The following NELL1 variants were observed in gnomAD, a reference collection of about 807,000 sequenced individuals.
NELL1 encodes the protein neural EGFL like 1.
A neutral mutation model predicts 107.4 loss-of-function variants in NELL1; 76 were observed. The observed-to-expected ratio is 0.71, with a 90% CI of 0.59 to 0.86. The LOEUF (loss-of-function observed/expected upper bound fraction) is 0.86, where lower values mean the gene tolerates loss of function less well. NELL1 is among the 40% of genes least tolerant of loss of function. The probability of loss-of-function intolerance (pLI) is 0.00; values close to 1 mark genes in which losing one functional copy is unlikely to be tolerated. For missense variants in NELL1, 1,024 were observed against 1,005.5 expected (o/e 1.02, Z -0.25); for synonymous variants, 353 against 341.2 (o/e 1.03, Z -0.38).
intron 3 of NELL1, among the ~76,000 whole-genome samples, chr11:20,804,301 T>C (rs1857337863): frequency 6.6e-6 from 1 of 152,166 alleles, no homozygotes; most frequent in Non-Finnish European, 1.5e-5. Flanking sequence ...AGTGGTGCGA[T>C]TTCAGCTCAC....
intron 12 of NELL1, among the ~76,000 whole-genome samples, chr11:21,108,549 A>C (rs777779894): frequency 6.6e-6 from 1 of 152,172 alleles, no homozygotes; most frequent in Non-Finnish European, 1.5e-5. Flanking sequence ...AAGCCCCATT[A>C]TACTCAAGAT....
At chr11:20,913,849 C>T (rs1292994931) in intron 5 of NELL1, among the ~76,000 whole-genome samples, 8 of 66,816 alleles carry the variant, frequency 1.2e-4, no homozygotes, top group African/African-American at 3.8e-4. Flanking sequence ...TTACGGGGGG[C>T]GGGGGGATGG....
chr11:21,094,141 A>G (rs750289077), intron 12 of NELL1, among the ~76,000 whole-genome samples: 1 of 152,204 alleles, frequency 6.6e-6, no homozygotes, highest in African/African-American at 2.4e-5. Flanking sequence ...CTCCAAATGG[A>G]AGAAATTGGC....
chr11:20,697,082 G>T (rs891347444), intron 2 of NELL1, among the ~76,000 whole-genome samples: 1 of 152,136 alleles, frequency 6.6e-6, no homozygotes, highest in East Asian at 1.9e-4. Flanking sequence ...AACTTACAAG[G>T]AGGCAACTTT....
intron 2 of NELL1, among the ~76,000 whole-genome samples, chr11:20,721,843 G>T (rs1855396127): frequency 1.3e-5 from 2 of 152,122 alleles, no homozygotes; most frequent in Admixed American, 6.6e-5. Context: ...AACACCAGAA[G>T]AATCTATCCT....
intron 12 of NELL1, among the ~76,000 whole-genome samples, chr11:20,988,185 T>C (rs542885965): frequency 2.8e-4 from 42 of 152,278 alleles, no homozygotes; most frequent in African/African-American, 9.9e-4. Context: ...TTTTCTGCTA[T>C]TTTATCACAT....
At chr11:21,282,426 G>A (rs187083486) in intron 14 of NELL1, among the ~76,000 whole-genome samples, 6 of 146,164 alleles carry the variant, frequency 4.1e-5, no homozygotes, top group African/African-American at 1.5e-4. Flanking sequence ...GTTGTAGTGA[G>A]CTGACATCAT....
At chr11:21,055,871 T>A (rs980134242) in intron 12 of NELL1, among the ~76,000 whole-genome samples, 1 of 152,166 alleles carries the variant, frequency 6.6e-6, no homozygotes, top group Non-Finnish European at 1.5e-5. Context: ...ATTCAAATAA[T>A]CCTTTTTTAC....
intron 1 of NELL1, among the ~76,000 whole-genome samples, chr11:20,677,537 A>G (rs562390039): frequency 6.6e-6 from 1 of 152,318 alleles, no homozygotes. Flanking sequence ...TTAGAGAAGT[A>G]TGTCATACTT....
intron 14 of NELL1, among the ~76,000 whole-genome samples, chr11:21,250,949 C>T (rs144219983): frequency 2.1e-3 from 327 of 152,220 alleles, no homozygotes; most frequent in African/African-American, 7.6e-3. Flanking sequence ...ACTGGGTTTT[C>T]GTCCTGGCTC....
intron 15 of NELL1, among the ~76,000 whole-genome samples, chr11:21,512,844 C>T (rs1855472244): frequency 1.3e-5 from 2 of 151,962 alleles, no homozygotes; most frequent in South Asian, 4.2e-4. Flanking sequence ...AGATATAAAC[C>T]AACGAAGCCT....
At chr11:21,118,047 T>C (rs1301556122) in intron 13 of NELL1, among the ~76,000 whole-genome samples, 4 of 152,084 alleles carry the variant, frequency 2.6e-5, no homozygotes, top group Non-Finnish European at 4.4e-5. Flanking sequence ...TGAGTAGCTG[T>C]TGATTAGGAT....
chr11:21,457,922 C>T (rs1381606644), intron 15 of NELL1, among the ~76,000 whole-genome samples: 1 of 152,052 alleles, frequency 6.6e-6, no homozygotes, highest in Non-Finnish European at 1.5e-5. Context: ...TGGAAAATGA[C>T]AAGAAGAATC....
chr11:21,098,424 C>T (rs1282423820), intron 12 of NELL1, among the ~76,000 whole-genome samples: 6 of 152,296 alleles, frequency 3.9e-5, no homozygotes, highest in Non-Finnish European at 7.3e-5. Flanking sequence ...GTAACCTCAT[C>T]GCCCAGCATA....
intron 16 of NELL1, among the ~76,000 whole-genome samples, chr11:21,544,565 GATTA>G (rs918054380): frequency 7.9e-5 from 12 of 151,846 alleles, no homozygotes; most frequent in Non-Finnish European, 1.2e-4. Context: ...TAATATCTAA[GATTA>G]ATTACTTCAT....
intron 15 of NELL1, among the ~76,000 whole-genome samples, chr11:21,402,151 G>T (rs780177360): frequency 6.6e-6 from 1 of 151,710 alleles, no homozygotes; most frequent in Non-Finnish European, 1.5e-5. Context: ...AGCAGCCATT[G>T]TAACTCCTGG....
chr11:20,923,640 A>G (rs1407659028), intron 7 of NELL1, among the ~76,000 whole-genome samples: 1 of 152,166 alleles, frequency 6.6e-6, no homozygotes, highest in Admixed American at 6.5e-5. Context: ...CTGTAATCCC[A>G]TTCTGACTTC....
chr11:21,123,711 C>A (rs1191560561), intron 13 of NELL1, among the ~76,000 whole-genome samples: 1 of 152,060 alleles, frequency 6.6e-6, no homozygotes, highest in African/African-American at 2.4e-5. Context: ...CCTAAGAAAA[C>A]AATCAGTCAC....
chr11:20,900,624 G>A (rs949347069), intron 5 of NELL1, among the ~76,000 whole-genome samples: 1 of 152,082 alleles, frequency 6.6e-6, no homozygotes, highest in Non-Finnish European at 1.5e-5. Context: ...TATGAGCATA[G>A]GTCACCTTGA....
Sources: gnomAD v4.1 joint callset for allele counts (sites outside exome capture counted in the v4.1 genomes callset) on GRCh38, gnomAD v4.1.1 for gene constraint, MANE v1.5 for transcripts, NCBI Gene and HGNC (gene_info 2026-07-23, HGNC 2026-07-21) for gene names.